The following TULP4 variants were observed in gnomAD, a reference collection of about 807,000 sequenced individuals.
TULP4 encodes the protein TUB like protein 4, also known as tubby-related protein 4.
A neutral mutation model predicts 129.0 loss-of-function variants in TULP4; 16 were observed. The ratio of observed to expected loss-of-function variants is 0.12; its 90% CI spans 0.08 to 0.19. The LOEUF (loss-of-function observed/expected upper bound fraction) is 0.19. Ranked by LOEUF, TULP4 falls within the 10% of genes least tolerant of loss-of-function variation. The pLI is 1.00. For missense variants in TULP4, 1,842 were observed against 2,059.1 expected, an observed-to-expected ratio of 0.89 and a Z score of 2.04; for synonymous variants, 998 against 854.0, an observed-to-expected ratio of 1.17 and a Z score of -2.94.
rs768985772 is a variant in TULP4 at position 158,481,563 on chromosome 6, T to C, written c.1486+274T>C. 2 of 510,562 alleles carry C rather than the reference T, an allele frequency of 3.9e-6. 1 individual carries two copies. The highest frequency in any genetic ancestry group is 4.6e-5 in the South Asian group (2 of 43,272). The allele number at this position is 510,562 out of a possible 1,614,324, so 31.6% of individuals were successfully genotyped here. ...AGGCAAGGGGAAGTTGGCGCAGTCC[T>C]CCTGGGAGTGAGGGTTTCCTCTTCA... is the stretch of plus-strand genomic sequence containing the variant. On this transcript the variant is annotated intron_variant, in intron 8 of 13. Coordinates refer to ENST00000367097, the MANE Select transcript of TULP4 (RefSeq NM_020245.5).
At position 158,270,083 on chromosome 6, in the gene TULP4, A is replaced by G. The variant is rs368257983; in HGVS notation, n.68+37780A>G. On this transcript the variant is annotated intron_variant and non_coding_transcript_variant, in intron 1 of 1. Coordinates refer to the TULP4 transcript ENST00000620026. The stretch of plus-strand genomic sequence containing the variant: ...TATCTATTAAATATACGTTAATTCT[A>G]CTCTGTAGCAGTAAGACCCTTTCCT... 8.9e-4 allele frequency among the ~76,000 whole-genome samples: 136 copies of G among 152,260 alleles called. 4 individuals are homozygous for G. The South Asian group carries it at 0.027, about 30-fold the overall frequency.
chr6:158,350,493 G>T (rs1040435449), intron 1 of TULP4, among the ~76,000 whole-genome samples: 1 of 152,212 alleles, frequency 6.6e-6, no homozygotes, highest in Admixed American at 6.5e-5. Context: ...GGGAGGCCGA[G>T]GCAGGCAGAT....
chr6:158,461,711 A>G lies in TULP4; in HGVS notation c.1008A>G (p.Thr336=), dbSNP rs1779432171. The change falls in exon 6 of 14, where the codon ACA becomes ACG. Residue 336 remains threonine, a synonymous_variant. Coordinates refer to ENST00000367097, the MANE Select transcript of TULP4 (RefSeq NM_020245.5). The part of the protein sequence containing the change: ...FYNVRGEHIF[T]LDTLVQRPII... ...ATGTTCGTGGGGAGCACATCTTCAC[A>G]CTGGACACTCTCGTGCAGGTAAGGA... 1.9e-6 allele frequency: 3 copies of G among 1,614,160 alleles called. No individual in the cohort carries two copies. Among genetic ancestry groups the G allele is most frequent in the Admixed American group, 1.7e-5 (1 of 60,012 alleles).
intron 1 of TULP4, among the ~76,000 whole-genome samples, chr6:158,253,406 C>T (rs1243181933): frequency 6.6e-6 from 1 of 152,142 alleles, no homozygotes; most frequent in Non-Finnish European, 1.5e-5. Context: ...CTCTGCCCTG[C>T]CGTAAGTGGA....
intron 1 of TULP4, among the ~76,000 whole-genome samples, chr6:158,407,499 C>T (rs1230815858): frequency 6.6e-6 from 1 of 152,098 alleles, no homozygotes; most frequent in Non-Finnish European, 1.5e-5. Context: ...CCCAGCAACT[C>T]CACTCCTAGG....
chr6:158,439,054 C>T (rs1778820314), intron 3 of TULP4, among the ~76,000 whole-genome samples: 1 of 151,860 alleles, frequency 6.6e-6, no homozygotes, highest in South Asian at 2.1e-4. Context: ...GCCTGTAGTC[C>T]CAGCTACTCA....
At chr6:158,486,396 A>T (rs966652656) in intron 8 of TULP4, among the ~76,000 whole-genome samples, 1 of 152,104 alleles carries the variant, frequency 6.6e-6, no homozygotes, top group South Asian at 2.1e-4. Context: ...TACTAAAAAT[A>T]TAAAAAATTA....
chr6:158,260,968 A>G (rs1031096205), intron 1 of TULP4, among the ~76,000 whole-genome samples: 1 of 143,326 alleles, frequency 7.0e-6, no homozygotes, highest in African/African-American at 2.6e-5. Context: ...TTACAGGTGC[A>G]CACCACCACG....
At chr6:158,462,019 C>CTT (rs1779440628) in intron 6 of TULP4, among the ~76,000 whole-genome samples, 1 of 152,168 alleles carries the variant, frequency 6.6e-6, no homozygotes, top group African/African-American at 2.4e-5. Flanking sequence ...CACTTATTCA[C>CTT]TTGTAGGAGA....
chr6:158,492,194 A>G (rs1780227369), intron 9 of TULP4, among the ~76,000 whole-genome samples: 1 of 152,088 alleles, frequency 6.6e-6, no homozygotes, highest in South Asian at 2.1e-4. Flanking sequence ...CCTTTGTCAG[A>G]TATCTGTATG....
chr6:158,287,230 A>G (rs976674973), intron 1 of TULP4, among the ~76,000 whole-genome samples: 1 of 152,188 alleles, frequency 6.6e-6, no homozygotes, highest in Non-Finnish European at 1.5e-5. Context: ...AGCTCCATCT[A>G]GCATTTGCGT....
intron 2 of TULP4, among the ~76,000 whole-genome samples, chr6:158,424,871 C>T (rs1778438549): frequency 1.3e-5 from 2 of 151,662 alleles, no homozygotes; most frequent in Admixed American, 6.6e-5. Context: ...TAGACAATGT[C>T]GGCTGGGCAC....
At chr6:158,380,273 C>T (rs998199311) in intron 1 of TULP4, among the ~76,000 whole-genome samples, 1 of 152,100 alleles carries the variant, frequency 6.6e-6, no homozygotes, top group East Asian at 1.9e-4. Flanking sequence ...TACGGACAGC[C>T]CCTTGCCGGC....
intron 1 of TULP4, among the ~76,000 whole-genome samples, chr6:158,365,869 GTTTTTCTTTTTTTT>G (rs368968339): frequency 0.21 from 25,222 of 120,428 alleles, 2,679 homozygotes; most frequent in Non-Finnish European, 0.24. Flanking sequence ...GTTTTGGTTC[GTTTTTCTTTTTTTT>G]TTTTTCTTTT....
At chr6:158,463,967 A>T (rs1037225394) in intron 6 of TULP4, among the ~76,000 whole-genome samples, 1 of 152,164 alleles carries the variant, frequency 6.6e-6, no homozygotes, top group Non-Finnish European at 1.5e-5. Flanking sequence ...CTCTTTACCT[A>T]TTAAACAACT....
At chr6:158,496,214 A>G (rs1248419735) in intron 11 of TULP4, among the ~76,000 whole-genome samples, 1 of 152,244 alleles carries the variant, frequency 6.6e-6, no homozygotes, top group Non-Finnish European at 1.5e-5. Flanking sequence ...CTGCAAGGCC[A>G]GCTCAGCCAG....
chr6:158,488,326 A>G (rs776271574), intron 8 of TULP4, among the ~76,000 whole-genome samples: 1 of 152,202 alleles, frequency 6.6e-6, no homozygotes, highest in Non-Finnish European at 1.5e-5. Flanking sequence ...ATTAAGTCAT[A>G]TAAAACACTG....
chr6:158,234,129 C>T (rs1777645690), intron 1 of TULP4, among the ~76,000 whole-genome samples: 1 of 152,298 alleles, frequency 6.6e-6, no homozygotes, highest in East Asian at 1.9e-4. Flanking sequence ...ATAATGTCCT[C>T]TTCATTTAGA....
chr6:158,382,332 A>G (rs1014474437), intron 1 of TULP4, among the ~76,000 whole-genome samples: 17 of 152,154 alleles, frequency 1.1e-4, no homozygotes, highest in Admixed American at 6.5e-5. Flanking sequence ...GTAGAGGGCA[A>G]GGAATGGGTT....
Sources: allele counts gnomAD v4.1 joint callset (sites outside exome capture counted in the v4.1 genomes callset), GRCh38; gene constraint gnomAD v4.1.1; transcripts MANE v1.5; gene names NCBI Gene and HGNC (gene_info 2026-07-23, HGNC 2026-07-21).